Variants in USH2A observed in about 807,000 individuals in gnomAD.
The protein encoded by USH2A is usherin.
Under a neutral mutation model 538.9 loss-of-function variants are expected in USH2A, and 443 were observed. The ratio of observed to expected loss-of-function variants is 0.82; its 90% CI spans 0.76 to 0.89. The LOEUF (loss-of-function observed/expected upper bound fraction) is 0.89, where lower values mean the gene tolerates loss of function less well. USH2A is among the 40% of genes least tolerant of loss of function. The probability of loss-of-function intolerance (pLI) is 0.00; values close to 1 mark genes in which losing one functional copy is unlikely to be tolerated. For synonymous variants in USH2A, 2,413 were observed against 2,273.5 expected, an observed-to-expected ratio of 1.06 and a Z score of -1.75; for missense variants, 6,633 against 6,324.8, an observed-to-expected ratio of 1.05 and a Z score of -1.65.
chr1:215,917,771 C>T (rs1665993309), intron 38 of USH2A, among the ~76,000 whole-genome samples: 1 of 118,854 alleles, frequency 8.4e-6, no homozygotes, highest in African/African-American at 3.2e-5. Flanking sequence ...TAGTGAAACC[C>T]TATCACTACA....
At chr1:216,020,718 G>T (rs1246961218) in intron 32 of USH2A, among the ~76,000 whole-genome samples, 1 of 152,140 alleles carries the variant, frequency 6.6e-6, no homozygotes, top group Non-Finnish European at 1.5e-5. Flanking sequence ...TGGGAGAAGG[G>T]GAGTGGCTGG....
chr1:216,169,488 C>T (rs1475268545), intron 21 of USH2A, among the ~76,000 whole-genome samples: 1 of 152,084 alleles, frequency 6.6e-6, no homozygotes, highest in Non-Finnish European at 1.5e-5. Flanking sequence ...GCCATCAATG[C>T]CACCTGAAGG....
At chr1:216,116,534 G>A (rs915145416) in intron 21 of USH2A, among the ~76,000 whole-genome samples, 1 of 152,060 alleles carries the variant, frequency 6.6e-6, no homozygotes, top group Non-Finnish European at 1.5e-5. Flanking sequence ...GCCCTCTCTA[G>A]TAACAATCTC....
Position 215,674,727 on chromosome 1 carries a change from T to G in USH2A, c.13184A>C (p.Asn4395Thr), listed in dbSNP as rs975904406. 3.7e-6 allele frequency: 6 copies of G among 1,613,986 alleles called. No homozygotes were observed. In the Admixed American group the frequency reaches 8.3e-5, roughly 22 times the overall value. ...GCCCTGGCCAGCAAGGGACTCTTTA[T>G]TATCATATCTAACTAAATATTTAGT... ...KITKYLVRYDNKESLAGQGLC... is the reference protein window; with the variant it reads ...KITKYLVRYDTKESLAGQGLC... Residue 4395 changes from asparagine to threonine, a missense_variant, in exon 63 of 72, where the codon AAT (asparagine) becomes ACT (threonine). Transcript: ENST00000307340.
At chr1:216,332,131 G>A (rs1440111090) in intron 4 of USH2A, among the ~76,000 whole-genome samples, 1 of 152,132 alleles carries the variant, frequency 6.6e-6, no homozygotes, top group African/African-American at 2.4e-5. Context: ...GTTACTGCTA[G>A]AGGATCAGAA....
chr1:216,121,725 T>C (rs1407910570), intron 21 of USH2A, among the ~76,000 whole-genome samples: 1 of 152,206 alleles, frequency 6.6e-6, no homozygotes, highest in Non-Finnish European at 1.5e-5. Flanking sequence ...TGTACAAAGT[T>C]TCCCTCTACT....
chr1:215,649,356 T>A (rs901549684), intron 65 of USH2A, among the ~76,000 whole-genome samples: 2 of 152,210 alleles, frequency 1.3e-5, no homozygotes, highest in African/African-American at 4.8e-5. Context: ...AAAGTTTTGG[T>A]TTATTTTGAG....
intron 38 of USH2A, among the ~76,000 whole-genome samples, chr1:215,932,738 G>T (rs915027394): frequency 1.3e-5 from 2 of 152,032 alleles, no homozygotes; most frequent in African/African-American, 4.8e-5. Flanking sequence ...CAGGCCCAGA[G>T]AGTGTGGGCC....
At chr1:216,410,638 T>C (rs2039473176) in intron 3 of USH2A, among the ~76,000 whole-genome samples, 1 of 152,096 alleles carries the variant, frequency 6.6e-6, no homozygotes, top group Non-Finnish European at 1.5e-5. Context: ...TTGAGAATTA[T>C]TACCCTAAAC....
At chr1:216,153,886 G>A (rs1391997314) in intron 21 of USH2A, among the ~76,000 whole-genome samples, 1 of 152,156 alleles carries the variant, frequency 6.6e-6, no homozygotes, top group African/African-American at 2.4e-5. Flanking sequence ...TTAAGTGAGG[G>A]TCAAATTGAT....
intron 3 of USH2A, among the ~76,000 whole-genome samples, chr1:216,386,760 C>T (rs758955786): frequency 3.3e-5 from 5 of 149,764 alleles, no homozygotes; most frequent in Admixed American, 6.7e-5. Context: ...GAGGCTGAGG[C>T]AGGATAATGG....
intron 61 of USH2A, among the ~76,000 whole-genome samples, chr1:215,712,932 A>G (rs1275643197): frequency 1.3e-5 from 2 of 151,566 alleles, no homozygotes; most frequent in Non-Finnish European, 2.9e-5. Flanking sequence ...TCAGCCTCCC[A>G]AGTTGCTGGG....
At chr1:216,054,650 C>T (rs908398223) in intron 30 of USH2A, among the ~76,000 whole-genome samples, 1 of 152,104 alleles carries the variant, frequency 6.6e-6, no homozygotes, top group African/African-American at 2.4e-5. Context: ...CTTCAGCAGA[C>T]TCCTCCTCCC....
At chr1:216,281,077 G>T (rs1026951244) in intron 11 of USH2A, among the ~76,000 whole-genome samples, 2 of 152,018 alleles carry the variant, frequency 1.3e-5, no homozygotes, top group African/African-American at 4.8e-5. Flanking sequence ...ACATTATTTA[G>T]GTAAGGTAGA....
At chr1:216,098,997 G>A (rs2032513573) in intron 21 of USH2A, among the ~76,000 whole-genome samples, 1 of 152,132 alleles carries the variant, frequency 6.6e-6, no homozygotes, top group African/African-American at 2.4e-5. Context: ...GGCTTGAGAA[G>A]TTTGTATAGA....
intron 64 of USH2A, among the ~76,000 whole-genome samples, chr1:215,667,566 G>T (rs1260964957): frequency 1.3e-5 from 2 of 152,056 alleles, no homozygotes; most frequent in Admixed American, 6.6e-5. Context: ...CACGCATGGT[G>T]GCGGGCGCCT....
intron 37 of USH2A, among the ~76,000 whole-genome samples, chr1:215,961,434 G>A (rs1182282007): frequency 1.3e-5 from 2 of 151,348 alleles, no homozygotes; most frequent in African/African-American, 2.4e-5. Flanking sequence ...AGAAAAACCC[G>A]ACAGTATAAA....
At chr1:215,796,757 T>G (rs796858737) in intron 50 of USH2A, among the ~76,000 whole-genome samples, 12 of 152,186 alleles carry the variant, frequency 7.9e-5, no homozygotes, top group Admixed American at 2.0e-4. Flanking sequence ...GAGGAAGGCA[T>G]GTGGAAAGCC....
intron 38 of USH2A, among the ~76,000 whole-genome samples, chr1:215,933,040 T>G (rs1666403366): frequency 6.6e-6 from 1 of 151,980 alleles, no homozygotes; most frequent in African/African-American, 2.4e-5. Context: ...CCCTATTTTA[T>G]GAATATGATA....
Sources: gnomAD v4.1 joint callset for allele counts (sites outside exome capture counted in the v4.1 genomes callset) on GRCh38, gnomAD v4.1.1 for gene constraint, MANE v1.5 for transcripts, NCBI Gene and HGNC (gene_info 2026-07-23, HGNC 2026-07-21) for gene names.